MAOA: variants seen among roughly 807,000 people sequenced by gnomAD.
The protein encoded by MAOA is monoamine oxidase A, also known as amine oxidase [flavin-containing] A.
In MAOA, 6 loss-of-function variants were observed where a neutral mutation model predicts 42.0. The ratio of observed to expected loss-of-function variants is 0.14; its 90% CI spans 0.08 to 0.28. MAOA has a LOEUF of 0.28. Ranked by LOEUF, MAOA falls within the 10% of genes least tolerant of loss-of-function variation. The probability of loss-of-function intolerance (pLI) is 1.00; values close to 1 mark genes in which losing one functional copy is unlikely to be tolerated. For synonymous variants in MAOA, 140 were observed against 154.0 expected, an observed-to-expected ratio of 0.91 and a Z score of 0.67; for missense variants, 262 against 422.3, an observed-to-expected ratio of 0.62 and a Z score of 3.33.
At chrX:43,739,127 G>A (rs985633053) in intron 10 of MAOA, among the ~76,000 whole-genome samples, 5 of 111,879 alleles carry the variant, frequency 4.5e-5, no homozygotes, top group Non-Finnish European at 9.4e-5. Context: ...CCTGAGCCTC[G>A]GTTTCCTCAT....
chrX:43,735,033 T>C (rs898091950), intron 9 of MAOA, among the ~76,000 whole-genome samples: 1 of 112,292 alleles, frequency 8.9e-6, no homozygotes, highest in Non-Finnish European at 1.9e-5. Context: ...ATTATGACTA[T>C]ATCCCATAAA....
intron 5 of MAOA, among the ~76,000 whole-genome samples, chrX:43,715,900 C>T (rs1415389767): frequency 2.7e-5 from 3 of 109,298 alleles, no homozygotes; most frequent in Non-Finnish European, 5.7e-5. Context: ...GGTCTCATCC[C>T]GAAATGACCC....
At chrX:43,702,265 A>G (rs927947800) in intron 3 of MAOA, among the ~76,000 whole-genome samples, 1 of 112,152 alleles carries the variant, frequency 8.9e-6, no homozygotes, top group Non-Finnish European at 1.9e-5. Flanking sequence ...AATTCAATGA[A>G]CAGATACCTT....
intron 1 of MAOA, among the ~76,000 whole-genome samples, chrX:43,682,853 T>TA (rs1177024969): frequency 8.9e-6 from 1 of 112,098 alleles, no homozygotes; most frequent in Non-Finnish European, 1.9e-5. Flanking sequence ...AATACTTCCT[T>TA]AATTTTTCTG....
intron 2 of MAOA, among the ~76,000 whole-genome samples, chrX:43,685,266 G>T (rs1234342443): frequency 9.0e-6 from 1 of 111,612 alleles, no homozygotes; most frequent in Non-Finnish European, 1.9e-5. Context: ...TCTCATTCAA[G>T]GCTGAAAGGA....
chrX:43,704,100 C>T (rs1216663785), intron 3 of MAOA, among the ~76,000 whole-genome samples: 1 of 111,296 alleles, frequency 9.0e-6, no homozygotes, highest in Non-Finnish European at 1.9e-5. Context: ...TTTATAAACT[C>T]TTCCAAAAAA....
Position 43,736,236 on chromosome X carries a change from T to C in MAOA, c.1062T>C (p.Leu354=). 8.3e-7 allele frequency: 1 copy of C among 1,197,980 alleles called. No individual in the cohort carries two copies. Among genetic ancestry groups the C allele is most frequent in the South Asian group, 1.8e-5 (1 of 56,360 alleles). ...GSLPAIMGFI[L]ARKADRLAKL... ...TAACCTCTCTCTCCAGCTTCATTCT[T>C]GCCCGGAAAGCTGATCGACTTGCTA... Residue 354 remains leucine (L), a synonymous_variant, in exon 10 of 15, where the codon CTT becomes CTC. Coordinates refer to ENST00000338702, the MANE Select transcript of MAOA (RefSeq NM_000240.4).
intron 3 of MAOA, among the ~76,000 whole-genome samples, chrX:43,702,066 A>G (rs1392928934): frequency 3.6e-5 from 4 of 111,974 alleles, no homozygotes; most frequent in African/African-American, 9.7e-5. Flanking sequence ...CTAACGTCCA[A>G]TGAATCCCAT....
At chrX:43,720,689 G>A (rs183939435) in intron 5 of MAOA, among the ~76,000 whole-genome samples, 145 of 107,935 alleles carry the variant, frequency 1.3e-3, no homozygotes, top group African/African-American at 4.7e-3. Flanking sequence ...ACAGGTGCAC[G>A]GGGGAGATAG....
In MAOA at chrX:43,668,723, A is replaced by G. The variant is rs111681493; in HGVS notation, c.73+12309A>G. Among the ~76,000 whole-genome samples the G allele has an allele frequency of 4.1e-3, 458 of 111,764 alleles. 3 individuals carry two copies. Among genetic ancestry groups the G allele is most frequent in the Admixed American group, 0.014 (149 of 10,481 alleles). On this transcript the variant is annotated intron_variant, in intron 1 of 14. Transcript: ENST00000338702. ...ATCTTGTACCAGCACAACTCTTTCTACTGTAGCTTTGTCATACATTTTAAT... is the reference window on the plus strand; with the variant it reads ...ATCTTGTACCAGCACAACTCTTTCTGCTGTAGCTTTGTCATACATTTTAAT...
intron 9 of MAOA, among the ~76,000 whole-genome samples, chrX:43,734,195 A>G (rs776088643): frequency 9.7e-6 from 1 of 102,888 alleles, no homozygotes; most frequent in African/African-American, 3.6e-5. Context: ...TAAGATAAAT[A>G]GTATAAAAGG....
upstream of MAOA, chrX:43,656,218 C>T (rs2033177813): frequency 1.7e-5 from 10 of 601,282 alleles, no homozygotes; most frequent in Admixed American, 2.2e-4. Flanking sequence ...CCGGCTCCCC[C>T]CGGGTATCAA....
intron 2 of MAOA, among the ~76,000 whole-genome samples, chrX:43,684,543 A>C (rs1178238783): frequency 9.1e-6 from 1 of 109,317 alleles, no homozygotes; most frequent in African/African-American, 3.3e-5. Flanking sequence ...AGGCAAACAA[A>C]ACAAAACAAA....
intron 2 of MAOA, among the ~76,000 whole-genome samples, chrX:43,688,270 T>C (rs1256013515): frequency 4.5e-5 from 5 of 112,234 alleles, no homozygotes; most frequent in Non-Finnish European, 1.9e-5. Context: ...TTTAGATCCA[T>C]GTTGCTAGGA....
At chrX:43,672,460 G>A (rs998138717) in intron 1 of MAOA, among the ~76,000 whole-genome samples, 3 of 110,846 alleles carry the variant, frequency 2.7e-5, no homozygotes, top group African/African-American at 9.9e-5. Context: ...AATTGCCCTG[G>A]CCAGAAATTC....
chrX:43,728,776 A>G (rs984363977), intron 6 of MAOA, among the ~76,000 whole-genome samples: 2 of 112,590 alleles, frequency 1.8e-5, no homozygotes, highest in Admixed American at 9.4e-5. Context: ...GCAAGTGATT[A>G]TGGCCACTCT....
intron 1 of MAOA, among the ~76,000 whole-genome samples, chrX:43,657,511 G>A (rs2033194140): frequency 9.1e-6 from 1 of 110,244 alleles, no homozygotes; most frequent in African/African-American, 3.3e-5. Context: ...AACCAAGTGA[G>A]TGGTGCATGA....
chrX:43,715,524 G>A (rs772486451), intron 5 of MAOA, among the ~76,000 whole-genome samples: 4 of 110,972 alleles, frequency 3.6e-5, no homozygotes, highest in South Asian at 3.9e-4. Flanking sequence ...GAGATGGGAG[G>A]AGACAGGAAG....
At chrX:43,710,409 A>ATGTATGG in intron 3 of MAOA, among the ~76,000 whole-genome samples, 1 of 112,522 alleles carries the variant, frequency 8.9e-6, no homozygotes, top group Non-Finnish European at 1.9e-5. Context: ...ATATATTCTT[A>ATGTATGG]CTCAGTTAGG....
Sources: gnomAD v4.1 joint callset for allele counts (sites outside exome capture counted in the v4.1 genomes callset) on GRCh38, gnomAD v4.1.1 for gene constraint, MANE v1.5 for transcripts, NCBI Gene and HGNC (gene_info 2026-07-23, HGNC 2026-07-21) for gene names.